The following MCOLN3 variants were observed in gnomAD, a reference collection of about 807,000 sequenced individuals.
MCOLN3 encodes the protein mucolipin-3.
Under a neutral mutation model 69.4 loss-of-function variants are expected in MCOLN3, and 62 were observed. The observed-to-expected ratio is 0.89, with a 90% confidence interval of 0.73 to 1.10. The LOEUF is 1.10. Among genes scored for constraint, MCOLN3 ranks in the 50% least tolerant of loss-of-function variants. The pLI, the probability that MCOLN3 is intolerant of heterozygous loss-of-function variation, is 0.00. For synonymous variants in MCOLN3, 183 were observed against 217.0 expected, an observed-to-expected ratio of 0.84 and a Z score of 1.38; for missense variants, 564 against 656.4, an observed-to-expected ratio of 0.86 and a Z score of 1.54.
At chr1:85,024,828 A>T (rs1398212940) in intron 9 of MCOLN3, 1 of 152,146 alleles carries the variant, frequency 6.6e-6, no homozygotes, top group Non-Finnish European at 1.5e-5. Context: ...CATCTATTCC[A>T]ATGATACATA....
intron 12 of MCOLN3, 130 bp from the exon 13 acceptor site, chr1:85,019,387 CTGCAAAGGAGA>C: frequency 1.2e-6 from 1 of 845,472 alleles, no homozygotes; most frequent in Non-Finnish European, 1.8e-6. Flanking sequence ...TCCTGAGTAC[CTGCAAAGGAGA>C]TGTAGCCTCT....
At chr1:85,043,317 G>A (rs1421004158) in intron 2 of MCOLN3, among the ~76,000 whole-genome samples, 1 of 152,088 alleles carries the variant, frequency 6.6e-6, no homozygotes, top group Non-Finnish European at 1.5e-5. Context: ...ATCACCTGAG[G>A]TCAGAAGTTC....
chr1:85,018,265 C>T lies in MCOLN3; in HGVS notation c.*858G>A, dbSNP rs1311336698. ...CCAAATACAGTCATATGCTGGATAA[C>T]GATGTTTTGGTCAATGATGTACCGC... On this transcript the variant is annotated 3_prime_UTR_variant, in exon 13 of 13. Coordinates refer to ENST00000370589, the MANE Select transcript of MCOLN3 (RefSeq NM_018298.11). The T allele has an allele frequency of 6.6e-6, 1 of 152,110 alleles. No individual in the cohort carries two copies. The highest frequency in any genetic ancestry group is 1.9e-4 in the East Asian group (1 of 5,194). The allele number at this position is 152,110 out of a possible 1,614,324, so 9.4% of individuals were successfully genotyped here.
rs1651766988 is a variant in MCOLN3 at position 85,018,452 on chromosome 1, AG to A, written c.*670del. On this transcript the variant is annotated 3_prime_UTR_variant, in exon 13 of 13. Transcript: ENST00000370589. ...ACCAACAGGCTATACCAAATAGCCT[AG>A]GTGTGTAGTAGGCTATACCATCTAG... The A allele has an allele frequency of 6.6e-6, 1 of 152,266 alleles. No individual in the cohort carries two copies. Among genetic ancestry groups the A allele is most frequent in the African/African-American group, 2.4e-5 (1 of 41,458 alleles). The allele number at this position is 152,266 out of a possible 1,614,324, so 9.4% of individuals were successfully genotyped here.
intron 3 of MCOLN3, among the ~76,000 whole-genome samples, chr1:85,040,654 A>C (rs931664069): frequency 6.6e-6 from 1 of 152,138 alleles, no homozygotes; most frequent in African/African-American, 2.4e-5. Context: ...TTATTTGTTA[A>C]GAGGCCCTGA....
At position 85,041,041 on chromosome 1, in the gene MCOLN3, A is replaced by C. The variant is rs1211812487; in HGVS notation, c.365T>G (p.Val122Gly). The change falls in exon 3 of 13, where the codon GTG becomes GGG. Residue 122 changes from valine (V) to glycine (G), a missense_variant. By Grantham distance (109) the Val-to-Gly change is moderately radical. Coordinates refer to ENST00000370589, the MANE Select transcript of MCOLN3 (RefSeq NM_018298.11). ...DTYAVYTQSD[V>G]YDQLIFAVNQ... ...TACTGCGAAGATTAACTGATCATACACGTCACTTTGTGTGTACACTGCATA... is the reference window on the plus strand; with the variant it reads ...TACTGCGAAGATTAACTGATCATACCCGTCACTTTGTGTGTACACTGCATA... 2 of 1,613,646 alleles carry C rather than the reference A, an allele frequency of 1.2e-6. No homozygotes were observed. Among genetic ancestry groups the C allele is most frequent in the African/African-American group, 2.7e-5 (2 of 74,920 alleles).
intron 3 of MCOLN3, among the ~76,000 whole-genome samples, chr1:85,037,757 T>C (rs1448795924): frequency 6.6e-6 from 1 of 152,042 alleles, no homozygotes; most frequent in Non-Finnish European, 1.5e-5. Context: ...AAATGTGGTA[T>C]GAGATGATGG....
chr1:85,021,948 A>T, intron 11 of MCOLN3, 122 bp downstream of exon 11: 1 of 1,243,866 alleles, frequency 8.0e-7, no homozygotes, highest in Non-Finnish European at 1.1e-6. Flanking sequence ...CACTAGATAT[A>T]CTACCTTCAA....
In MCOLN3 at chr1:85,034,383, G is replaced by A. The variant is rs575685676; in HGVS notation, c.397-132C>T. The A allele has an allele frequency of 2.6e-4, 212 of 824,464 alleles. 4 individuals carry two copies. In the South Asian group the frequency reaches 3.4e-3, roughly 13 times the overall value. The allele number at this position is 824,464 out of a possible 1,614,324, so 51.1% of individuals were successfully genotyped here. A position where few individuals can be genotyped will look rare whatever the true frequency, so the allele number is the denominator to read the frequency against. On this transcript the variant is annotated intron_variant, in intron 3 of 12. Coordinates refer to ENST00000370589, the MANE Select transcript of MCOLN3 (RefSeq NM_018298.11). ...AGAGACATTCACTTTGATAAACAGGGTAAGTGACTTGCTGCTGTGCACTAG... is the reference window on the plus strand; with the variant it reads ...AGAGACATTCACTTTGATAAACAGGATAAGTGACTTGCTGCTGTGCACTAG...
In MCOLN3 at chr1:85,032,978, A is replaced by C. The variant is rs755786149; in HGVS notation, c.551-22T>G. The C allele has an allele frequency of 1.2e-5, 20 of 1,602,368 alleles. No individual in the cohort carries two copies. The South Asian group carries it at 1.9e-4, about 15-fold the overall frequency. ...CACTCTGCCATAGAAAGGAACAAAA[A>C]CATGATACAGTACTTAAATAAGACT... On this transcript the variant is annotated intron_variant, in intron 4 of 12. Coordinates refer to ENST00000370589, the MANE Select transcript of MCOLN3 (RefSeq NM_018298.11).
intron 3 of MCOLN3, among the ~76,000 whole-genome samples, chr1:85,036,261 G>A (rs1023303040): frequency 6.6e-6 from 1 of 151,976 alleles, no homozygotes; most frequent in African/African-American, 2.4e-5. Context: ...GCATGATCTC[G>A]GCTCACTGCA....
intron 1 of MCOLN3, among the ~76,000 whole-genome samples, 176 bp downstream of exon 1, chr1:85,048,220 T>C (rs1237846118): frequency 2.0e-5 from 3 of 151,550 alleles, no homozygotes; most frequent in African/African-American, 7.3e-5. Context: ...GCGGAACAGC[T>C]GCATCTCGCG....
At chr1:85,034,276 A>T in intron 3 of MCOLN3, 25 bp from the exon 4 acceptor site, 1 of 1,613,582 alleles carries the variant, frequency 6.2e-7, no homozygotes, top group Non-Finnish European at 8.5e-7. Context: ...AGAAACAGAA[A>T]ATGGGAATGC....
chr1:85,026,129 A>C (rs747660031), intron 8 of MCOLN3, 41 bp from the exon 9 acceptor site: 1 of 1,613,240 alleles, frequency 6.2e-7, no homozygotes, highest in Admixed American at 1.7e-5. Flanking sequence ...TGTCTCTGTC[A>C]ATCAAAATGT....
At chr1:85,044,665 C>T (rs1344889905) in intron 2 of MCOLN3, among the ~76,000 whole-genome samples, 3 of 152,212 alleles carry the variant, frequency 2.0e-5, no homozygotes, top group African/African-American at 7.2e-5. Context: ...TAGTTAACTT[C>T]ACATTCTTCC....
chr1:85,046,807 G>C (rs1653374694), intron 1 of MCOLN3, among the ~76,000 whole-genome samples: 1 of 152,168 alleles, frequency 6.6e-6, no homozygotes, highest in Non-Finnish European at 1.5e-5. Flanking sequence ...CATATTTACT[G>C]TATGGCAAAT....
At chr1:85,031,628 C>T (rs977012216) in intron 6 of MCOLN3, among the ~76,000 whole-genome samples, 4 of 152,144 alleles carry the variant, frequency 2.6e-5, no homozygotes, top group Non-Finnish European at 2.9e-5. Context: ...AGAAATGTTG[C>T]AGGAAGCCCT....
chr1:85,025,910 A>T, intron 9 of MCOLN3, 29 bp downstream of exon 9: 1 of 1,569,444 alleles, frequency 6.4e-7, no homozygotes, highest in Non-Finnish European at 8.6e-7. Context: ...ATCTGACACT[A>T]ACAATAGCAT....
intron 9 of MCOLN3, chr1:85,025,559 G>A (rs1469358122): frequency 5.8e-6 from 1 of 171,438 alleles, no homozygotes; most frequent in Non-Finnish European, 1.2e-5. Context: ...ACTCATTTTT[G>A]TTAAAGATTC....
Sources: gnomAD v4.1 joint callset for allele counts (sites outside exome capture counted in the v4.1 genomes callset) on GRCh38, gnomAD v4.1.1 for gene constraint, MANE v1.5 for transcripts, NCBI Gene and HGNC (gene_info 2026-07-23, HGNC 2026-07-21) for gene names.